ASCC3: variants seen among roughly 807,000 people sequenced by gnomAD.
The protein encoded by ASCC3 is activating signal cointegrator 1 complex subunit 3.
ASCC3 carries 158 observed loss-of-function variants against 256.3 expected under a neutral mutation model. The observed-to-expected ratio is 0.62, with a 90% CI of 0.54 to 0.70. ASCC3 has a LOEUF of 0.70. Ranked by LOEUF, ASCC3 falls within the 30% of genes least tolerant of loss-of-function variation. The pLI, the probability that ASCC3 is intolerant of heterozygous loss-of-function variation, is 0.00. For missense variants in ASCC3, 2,259 were observed against 2,626.0 expected (o/e 0.86, Z 3.05); for synonymous variants, 948 against 883.4 (o/e 1.07, Z -1.30).
At chr6:100,679,258 C>T (rs1777173839) in intron 14 of ASCC3, among the ~76,000 whole-genome samples, 1 of 149,522 alleles carries the variant, frequency 6.7e-6, no homozygotes, top group African/African-American at 2.5e-5. Flanking sequence ...CAATATTAAC[C>T]TTAGAAATCA....
chr6:100,639,976 G>A (rs557265267), intron 24 of ASCC3, among the ~76,000 whole-genome samples: 2 of 152,000 alleles, frequency 1.3e-5, no homozygotes, highest in African/African-American at 4.8e-5. Context: ...TTAACTGGGC[G>A]TGGTGGTGGG....
intron 36 of ASCC3, among the ~76,000 whole-genome samples, chr6:100,568,558 T>C (rs1424986338): frequency 6.6e-6 from 1 of 151,900 alleles, no homozygotes; most frequent in Non-Finnish European, 1.5e-5. Flanking sequence ...TTTTTTTTGC[T>C]TCTTCAATTG....
At chr6:100,770,421 C>A (rs917433126) in intron 8 of ASCC3, among the ~76,000 whole-genome samples, 2 of 151,592 alleles carry the variant, frequency 1.3e-5, no homozygotes, top group Non-Finnish European at 2.9e-5. Flanking sequence ...AAGGGTATTA[C>A]ACTCACTCAC....
intron 36 of ASCC3, among the ~76,000 whole-genome samples, chr6:100,567,948 T>C (rs1230710473): frequency 6.6e-6 from 1 of 152,190 alleles, no homozygotes; most frequent in Non-Finnish European, 1.5e-5. Flanking sequence ...TTGTTTCTAG[T>C]TCTTTAAGAA....
At chr6:100,776,419 G>A (rs1043716654) in intron 8 of ASCC3, among the ~76,000 whole-genome samples, 1 of 152,004 alleles carries the variant, frequency 6.6e-6, no homozygotes, top group African/African-American at 2.4e-5. Flanking sequence ...CATTTTAAGT[G>A]TTACAAGCTT....
intron 8 of ASCC3, among the ~76,000 whole-genome samples, chr6:100,791,086 C>T (rs1293140536): frequency 1.3e-5 from 2 of 151,440 alleles, no homozygotes; most frequent in Non-Finnish European, 3.0e-5. Context: ...TGCTGAGAGT[C>T]AAAAATTGAT....
intron 22 of ASCC3, among the ~76,000 whole-genome samples, chr6:100,644,733 G>C (rs891496426): frequency 6.6e-6 from 1 of 152,046 alleles, no homozygotes; most frequent in African/African-American, 2.4e-5. Flanking sequence ...TCAGCTCATG[G>C]GATTCCCCTC....
chr6:100,699,837 T>C (rs763150922), intron 13 of ASCC3, among the ~76,000 whole-genome samples: 3 of 152,160 alleles, frequency 2.0e-5, no homozygotes, highest in Non-Finnish European at 4.4e-5. Context: ...TTGTGGAACT[T>C]TGAACTTGAG....
Position 100,508,899 on chromosome 6 carries a change from G to T in ASCC3, c.*487C>A. 6.1e-6 allele frequency: 1 copy of T among 162,774 alleles called. No individual in the cohort carries two copies. The highest frequency in any genetic ancestry group is 1.3e-5 in the Non-Finnish European group (1 of 74,338). The allele number at this position is 162,774 out of a possible 1,614,324, so 10.1% of individuals were successfully genotyped here. A position where few individuals can be genotyped will look rare whatever the true frequency, so the allele number is the denominator to read the frequency against. On this transcript the variant is annotated 3_prime_UTR_variant, in exon 42 of 42. Coordinates refer to ENST00000369162, the MANE Select transcript of ASCC3 (RefSeq NM_006828.4). Reference sequence around the variant, plus strand: ...GAAATTCTTGAAGCTACTTCTACATGTGATCATATCAAAGTATAAATTTTG... The same window carrying T: ...GAAATTCTTGAAGCTACTTCTACATTTGATCATATCAAAGTATAAATTTTG...
intron 37 of ASCC3, among the ~76,000 whole-genome samples, chr6:100,519,089 T>C (rs76410691): frequency 0.014 from 2,098 of 152,266 alleles, 40 homozygotes; most frequent in African/African-American, 0.048. Context: ...GCATACTATG[T>C]TGTAAAAATT....
At position 100,864,046 on chromosome 6, in the gene ASCC3, A is replaced by AG. The variant is rs1562353812; in HGVS notation, c.241+17_241+18insC. 1 of 1,500,734 alleles carries AG rather than the reference A, an allele frequency of 6.7e-7. No homozygotes were observed. The highest frequency in any genetic ancestry group is 9.0e-7 in the Non-Finnish European group (1 of 1,112,600). 93.0% of individuals were successfully genotyped at this position (1,500,734 alleles called of 1,614,324 possible). On this transcript the variant is annotated intron_variant, in intron 3 of 41. Coordinates refer to ENST00000369162, the MANE Select transcript of ASCC3 (RefSeq NM_006828.4). ...CTGGTTCTCTTTAAAAAAAAAAAAG[A>AG]AAAAAAGAAAACTATACCTATCTGC...
At chr6:100,623,407 A>C (rs781084711) in intron 30 of ASCC3, among the ~76,000 whole-genome samples, 1 of 152,168 alleles carries the variant, frequency 6.6e-6, no homozygotes, top group Non-Finnish European at 1.5e-5. Context: ...CTATAGAACT[A>C]AGCAAAAACA....
chr6:100,602,650 G>A (rs1475586161), intron 33 of ASCC3, among the ~76,000 whole-genome samples: 2 of 151,964 alleles, frequency 1.3e-5, no homozygotes, highest in East Asian at 1.9e-4. Flanking sequence ...ACAGAAAAGT[G>A]AGCAAATATA....
At chr6:100,757,377 GA>G (rs1562275467) in intron 10 of ASCC3, among the ~76,000 whole-genome samples, 1 of 151,994 alleles carries the variant, frequency 6.6e-6, no homozygotes, top group Admixed American at 6.6e-5. Flanking sequence ...CTAGAGAGAT[GA>G]TGACAAAATG....
chr6:100,840,027 G>C (rs1338049536), intron 4 of ASCC3, among the ~76,000 whole-genome samples: 1 of 152,140 alleles, frequency 6.6e-6, no homozygotes, highest in African/African-American at 2.4e-5. Flanking sequence ...TAGAACACAG[G>C]ATTCTTGAGT....
At chr6:100,732,574 A>T (rs1779952183) in intron 10 of ASCC3, among the ~76,000 whole-genome samples, 1 of 152,358 alleles carries the variant, frequency 6.6e-6, no homozygotes, top group South Asian at 2.1e-4. Flanking sequence ...ACATCTATAA[A>T]CTTAACCACA....
intron 33 of ASCC3, 121 bp from the exon 34 acceptor site, chr6:100,602,056 TA>T: frequency 1.0e-6 from 1 of 957,576 alleles, no homozygotes; most frequent in East Asian, 2.8e-5. Flanking sequence ...TTGTTTTATA[TA>T]ACTTAAATAT....
At chr6:100,831,210 C>G (rs527467760) in intron 4 of ASCC3, among the ~76,000 whole-genome samples, 30 of 151,022 alleles carry the variant, frequency 2.0e-4, no homozygotes, top group African/African-American at 5.6e-4. Context: ...CTTGAAAAAC[C>G]CTTTCCCTTT....
At chr6:100,831,099 A>C (rs1771596218) in intron 4 of ASCC3, among the ~76,000 whole-genome samples, 1 of 152,120 alleles carries the variant, frequency 6.6e-6, no homozygotes, top group African/African-American at 2.4e-5. Context: ...AAAAGACTAA[A>C]ACAGTTTATC....
Sources: allele counts gnomAD v4.1 joint callset (sites outside exome capture counted in the v4.1 genomes callset), GRCh38; gene constraint gnomAD v4.1.1; transcripts MANE v1.5; gene names NCBI Gene and HGNC (gene_info 2026-07-23, HGNC 2026-07-21).